Variants in SELENOT observed in about 807,000 individuals in gnomAD.
The protein encoded by SELENOT is thioredoxin reductase-like selenoprotein T.
SELENOT carries 9 observed loss-of-function variants against 24.3 expected under a neutral mutation model. The observed-to-expected ratio is 0.37, with a 90% CI of 0.22 to 0.65. SELENOT has a LOEUF of 0.65. Among genes scored for constraint, SELENOT ranks in the 30% least tolerant of loss-of-function variants. The pLI, the probability that SELENOT is intolerant of heterozygous loss-of-function variation, is 0.60. For missense variants in SELENOT, 166 were observed against 247.6 expected (o/e 0.67, Z 2.21); for synonymous variants, 81 against 86.0 (o/e 0.94, Z 0.32).
intron 1 of SELENOT, among the ~76,000 whole-genome samples, chr3:150,617,575 T>A (rs1258054498): frequency 6.6e-6 from 1 of 152,148 alleles, no homozygotes; most frequent in Non-Finnish European, 1.5e-5. Flanking sequence ...TCAGGTGACA[T>A]TTGAATAAAC....
At chr3:150,621,614 C>CTTTTTTTTTT (rs35489270) in intron 1 of SELENOT, among the ~76,000 whole-genome samples, 19 of 80,574 alleles carry the variant, frequency 2.4e-4, no homozygotes, top group South Asian at 5.3e-4. Flanking sequence ...GGCATATTTC[C>CTTTTTTTTTT]TTTTTTTTTT....
chr3:150,611,793 C>T, intron 1 of SELENOT: 2 of 1,064,994 alleles, frequency 1.9e-6, no homozygotes, highest in Non-Finnish European at 2.7e-6. Context: ...GGCCCCTCAG[C>T]CCCGATTTCC....
chr3:150,627,171 G>A lies in SELENOT; in HGVS notation c.*29+8G>A. 5.7e-6 allele frequency: 9 copies of A among 1,590,240 alleles called. No individual in the cohort carries two copies. Among genetic ancestry groups the A allele is most frequent in the Non-Finnish European group, 7.7e-6 (9 of 1,166,328 alleles). ...AGCACTGAAAACTCTTTTGTAAGTT[G>A]TTTAAAATATAGCTAATGTATAGGT... On this transcript the variant is annotated splice_region_variant and intron_variant, in intron 5 of 5. Coordinates refer to ENST00000471696, the MANE Select transcript of SELENOT (RefSeq NM_016275.5).
At chr3:150,610,868 C>G (rs1017913348) in intron 1 of SELENOT, among the ~76,000 whole-genome samples, 3 of 152,128 alleles carry the variant, frequency 2.0e-5, no homozygotes, top group African/African-American at 7.2e-5. Context: ...AGGTGTCATC[C>G]TACTCATTGT....
At chr3:150,612,350 C>A (rs2108007706) in intron 1 of SELENOT, among the ~76,000 whole-genome samples, 1 of 152,268 alleles carries the variant, frequency 6.6e-6, no homozygotes, top group Non-Finnish European at 1.5e-5. Context: ...TCCTCGGCCT[C>A]CCAAAGTGCT....
At position 150,629,813 on chromosome 3, in the gene SELENOT, A is replaced by G. The variant is rs1726518392; in HGVS notation, c.*2184A>G. ...ATATAAAAGTAATAATATAAGGAAA[A>G]AGGGAAAGTAAACTATTTAGAATGT... On this transcript the variant is annotated 3_prime_UTR_variant, in exon 6 of 6. Coordinates refer to ENST00000471696, the MANE Select transcript of SELENOT (RefSeq NM_016275.5). The G allele has an allele frequency of 6.6e-6, 1 of 152,662 alleles. No homozygotes were observed. The highest frequency in any genetic ancestry group is 2.1e-4 in the South Asian group (1 of 4,834). 9.5% of individuals were successfully genotyped at this position (152,662 alleles called of 1,614,324 possible).
Position 150,622,458 on chromosome 3 carries a change from A to G in SELENOT, c.211A>G (p.Ile71Val). The change falls in exon 2 of 6, where the codon ATT becomes GTT. Residue 71 changes from isoleucine (I) to valine (V), a missense_variant. Ile to Val is a conservative substitution (Grantham distance 29). This residue lies in a region of SELENOT where 71 missense variants were observed against 89.2 expected (regional missense o/e 0.80). Transcript: ENST00000471696. ...VISQRYPDIR[I>V]EGENYLPQPI... ...TAGCCAGCGGTACCCAGACATCCGCATTGAAGGAGAGAATTACCTCCCTCA... is the reference window on the plus strand; with the variant it reads ...TAGCCAGCGGTACCCAGACATCCGCGTTGAAGGAGAGAATTACCTCCCTCA... The G allele has an allele frequency of 1.3e-6, 2 of 1,503,772 alleles. No homozygotes were observed. The highest frequency in any genetic ancestry group is 1.8e-6 in the Non-Finnish European group (2 of 1,117,252). 93.2% of individuals were successfully genotyped at this position (1,503,772 alleles called of 1,614,324 possible). A position where few individuals can be genotyped will look rare whatever the true frequency, so the allele number is the denominator to read the frequency against.
chr3:150,619,373 T>G (rs578150670), intron 1 of SELENOT, among the ~76,000 whole-genome samples: 1 of 142,072 alleles, frequency 7.0e-6, no homozygotes, highest in Admixed American at 7.2e-5. Flanking sequence ...CTACTAAAAA[T>G]ACAAAAAAAA....
intron 1 of SELENOT, among the ~76,000 whole-genome samples, chr3:150,605,186 TA>T (rs2108003162): frequency 6.6e-6 from 1 of 152,350 alleles, no homozygotes; most frequent in South Asian, 2.1e-4. Context: ...CTTACTAACC[TA>T]AAGATTGTTA....
chr3:150,620,090 C>A (rs1726307413), intron 1 of SELENOT, among the ~76,000 whole-genome samples: 1 of 152,124 alleles, frequency 6.6e-6, no homozygotes, highest in Non-Finnish European at 1.5e-5. Context: ...AGATTTAGGG[C>A]CTGATGAACC....
In SELENOT at chr3:150,616,809, T is replaced by G. The variant is rs150723017; in HGVS notation, c.138-5576T>G. 1.9e-3 allele frequency among the ~76,000 whole-genome samples: 294 copies of G among 152,338 alleles called. 1 individual carries two copies. The highest frequency in any genetic ancestry group is 6.4e-3 in the African/African-American group (264 of 41,574). ...GTGCATGCCACCATGCCCAGCTAAT[T>G]TTTGTATTTCTTGTAGAGACGAGGT... On this transcript the variant is annotated intron_variant, in intron 1 of 5. Transcript: ENST00000471696.
At chr3:150,618,405 G>C (rs570975941) in intron 1 of SELENOT, among the ~76,000 whole-genome samples, 2 of 152,308 alleles carry the variant, frequency 1.3e-5, no homozygotes, top group African/African-American at 4.8e-5. Flanking sequence ...TGTTCATGTT[G>C]TCTTTTAATG....
chr3:150,611,430 G>C, intron 1 of SELENOT: 1 of 1,263,230 alleles, frequency 7.9e-7, no homozygotes, highest in South Asian at 1.2e-5. Context: ...GTGGCTTTAA[G>C]TGTCTTTTGT....
chr3:150,611,851 C>A, intron 1 of SELENOT: 1 of 944,854 alleles, frequency 1.1e-6, no homozygotes, highest in South Asian at 1.5e-5. Flanking sequence ...TGCCGCCTCC[C>A]CACTGCCCAG....
intron 1 of SELENOT, 32 bp downstream of exon 1, chr3:150,603,531 G>A (rs1170242226): frequency 1.3e-6 from 2 of 1,551,668 alleles, no homozygotes; most frequent in Non-Finnish European, 1.8e-6. Context: ...CGGCCACCCC[G>A]CCGCGCCTCT....
rs960728789 is a variant in SELENOT at position 150,626,551 on chromosome 3, A to G, written c.464-459A>G. 1.2e-4 allele frequency among the ~76,000 whole-genome samples: 18 copies of G among 151,822 alleles called. 1 individual carries two copies. Among genetic ancestry groups the G allele is most frequent in the African/African-American group, 4.4e-4 (18 of 41,314 alleles). On this transcript the variant is annotated intron_variant, in intron 4 of 5. Coordinates refer to ENST00000471696, the MANE Select transcript of SELENOT (RefSeq NM_016275.5). ...TTTCCACCTTCCCATCCTCCCTTAT[A>G]TCACTCCTCTTCTATATTTCCCTCA... is the stretch of plus-strand genomic sequence containing the variant.
intron 5 of SELENOT, 43 bp from the exon 6 acceptor site, chr3:150,627,616 T>G (rs1161909258): frequency 6.5e-6 from 1 of 152,900 alleles, no homozygotes. Flanking sequence ...TTTTTATGAG[T>G]GATTTTTGCA....
Position 150,627,237 on chromosome 3 carries a change from C to T in SELENOT, c.*29+74C>T, listed in dbSNP as rs182596650. ...TGACTCAGCAAGTTAGTAAATATTA[C>T]ATATATTATCACTTGAGTTTCCAAT... On this transcript the variant is annotated intron_variant, in intron 5 of 5. Transcript: ENST00000471696. 1,781 of 1,094,014 alleles carry T rather than the reference C, an allele frequency of 1.6e-3. 17 individuals carry two copies. Among genetic ancestry groups the T allele is most frequent in the Middle Eastern group, 4.3e-4 (2 of 4,632 alleles). 67.8% of individuals were successfully genotyped at this position (1,094,014 alleles called of 1,614,324 possible).
intron 1 of SELENOT, among the ~76,000 whole-genome samples, chr3:150,613,527 T>C (rs1014468027): frequency 4.1e-4 from 63 of 152,290 alleles, no homozygotes; most frequent in African/African-American, 1.5e-3. Context: ...CATTTTTTGA[T>C]TTGTTTCGTG....
Sources: allele counts gnomAD v4.1 joint callset (sites outside exome capture counted in the v4.1 genomes callset), GRCh38; gene constraint gnomAD v4.1.1; regional missense constraint gnomAD v4.1.1; transcripts MANE v1.5; gene names NCBI Gene and HGNC (gene_info 2026-07-23, HGNC 2026-07-21).